SUDS3: variants seen among roughly 807,000 people sequenced by gnomAD.
SUDS3 encodes SIN3A corepressor complex component SDS3, also known as sin3 histone deacetylase corepressor complex component SDS3.
SUDS3 carries 23 observed loss-of-function variants against 53.5 expected under a neutral mutation model. The observed-to-expected ratio is 0.43, with a 90% confidence interval of 0.31 to 0.61. SUDS3 has a LOEUF of 0.61. SUDS3 is among the 20% of genes least tolerant of loss of function. The pLI is 0.10. For missense variants in SUDS3, 291 were observed against 405.9 expected, an observed-to-expected ratio of 0.72 and a Z score of 2.43; for synonymous variants, 150 against 148.5, an observed-to-expected ratio of 1.01 and a Z score of -0.08.
chr12:118,386,211 A>G, intron 4 of SUDS3, 26 bp downstream of exon 4: 2 of 1,553,098 alleles, frequency 1.3e-6, no homozygotes, highest in South Asian at 2.4e-5. Context: ...ATGGCAATGA[A>G]TCATCTTTCA....
Position 118,415,180 on chromosome 12 carries a change from A to C in SUDS3, c.*747A>C, listed in dbSNP as rs894388400. 1 of 152,238 alleles carries C rather than the reference A, an allele frequency of 6.6e-6. No individual in the cohort carries two copies. The highest frequency in any genetic ancestry group is 2.4e-5 in the African/African-American group (1 of 41,460). The allele number at this position is 152,238 out of a possible 1,614,324, so 9.4% of individuals were successfully genotyped here. On this transcript the variant is annotated 3_prime_UTR_variant, in exon 12 of 12. Transcript: ENST00000543473. ...AAACATTTGTTCTAGCTTAAGCTGG[A>C]ATAAGCAGTGGTCATTTCAGAAGTT...
chr12:118,408,797 A>G (rs749933935), intron 10 of SUDS3, among the ~76,000 whole-genome samples: 6 of 152,176 alleles, frequency 3.9e-5, no homozygotes, highest in Non-Finnish European at 7.3e-5. Flanking sequence ...AAGTTGTATC[A>G]GAATGACTTG....
At chr12:118,399,206 A>G (rs543665744) in intron 6 of SUDS3, among the ~76,000 whole-genome samples, 12 of 152,276 alleles carry the variant, frequency 7.9e-5, no homozygotes, top group African/African-American at 2.9e-4. Context: ...CCATTGAAAT[A>G]TTTAGTAAGA....
At position 118,395,335 on chromosome 12, in the gene SUDS3, C is replaced by T. The variant is rs1014980858; in HGVS notation, c.517+4053C>T. Among the ~76,000 whole-genome samples, 24 of 150,896 alleles carry T rather than the reference C, an allele frequency of 1.6e-4. No homozygotes were observed. In the East Asian group the frequency reaches 3.9e-3, roughly 25 times the overall value. On this transcript the variant is annotated intron_variant, in intron 6 of 11. Transcript: ENST00000543473. ...CCGCCTCCCGGGTTCACGCCATTCTCCTGCCTCAACCTCCTGAGTAGCTGG... is the reference window on the plus strand; with the variant it reads ...CCGCCTCCCGGGTTCACGCCATTCTTCTGCCTCAACCTCCTGAGTAGCTGG...
intron 1 of SUDS3, among the ~76,000 whole-genome samples, chr12:118,379,220 T>G (rs2046031070): frequency 6.6e-6 from 1 of 151,388 alleles, no homozygotes; most frequent in South Asian, 2.1e-4. Context: ...GTGGTTCACT[T>G]GAGGCCAGGA....
intron 10 of SUDS3, chr12:118,404,279 T>G (rs1489869800): frequency 2.0e-5 from 3 of 152,090 alleles, no homozygotes; most frequent in African/African-American, 7.2e-5. Context: ...CCCAGCTAGT[T>G]TTTGTATTTT....
At chr12:118,412,905 C>T (rs757088377) in intron 11 of SUDS3, among the ~76,000 whole-genome samples, 2 of 152,100 alleles carry the variant, frequency 1.3e-5, no homozygotes, top group African/African-American at 4.8e-5. Flanking sequence ...ATGGGGAAAC[C>T]GTTCTCATTT....
At chr12:118,388,358 C>A (rs1019176514) in intron 4 of SUDS3, among the ~76,000 whole-genome samples, 6 of 152,126 alleles carry the variant, frequency 3.9e-5, no homozygotes, top group Non-Finnish European at 7.3e-5. Flanking sequence ...ATAGCATTTG[C>A]CAGGTTTGCA....
intron 10 of SUDS3, among the ~76,000 whole-genome samples, chr12:118,407,265 G>A (rs2046316513): frequency 6.6e-6 from 1 of 152,136 alleles, no homozygotes; most frequent in African/African-American, 2.4e-5. Flanking sequence ...AGGGATAATG[G>A]TTCCCCCAAG....
At position 118,401,983 on chromosome 12, in the gene SUDS3, C is replaced by G. The variant is rs758955835; in HGVS notation, c.676C>G (p.Leu226Val). 4 of 1,613,838 alleles carry G rather than the reference C, an allele frequency of 2.5e-6. No individual in the cohort carries two copies. The African/African-American group carries it at 5.3e-5, about 22-fold the overall frequency. The change falls in exon 9 of 12, where the codon CTT (leucine) becomes GTT (valine). Residue 226 changes from leucine to valine, a missense_variant and splice_region_variant. Physicochemically the swap from Leu to Val is conservative, Grantham distance 32 (BLOSUM62 1). Around this residue, in one of 4 missense-constraint regions of SUDS3, gnomAD observed 77 missense variants for 87.1 expected, o/e 0.88. Transcript: ENST00000543473. ...IMEDLRTLNK[L>V]KSPKRPASPS... The stretch of plus-strand genomic sequence containing the variant: ...TTTTTTGTTGTTGTTCTTCCTACAG[C>G]TTAAGTCACCCAAGAGACCAGGTGA...
At chr12:118,410,771 G>A (rs1015790059) in intron 10 of SUDS3, among the ~76,000 whole-genome samples, 1 of 151,696 alleles carries the variant, frequency 6.6e-6, no homozygotes, top group African/African-American at 2.4e-5. Flanking sequence ...TACTTTTTTT[G>A]TATTTTTAGT....
At chr12:118,379,392 G>A (rs896271265) in intron 1 of SUDS3, among the ~76,000 whole-genome samples, 1 of 152,138 alleles carries the variant, frequency 6.6e-6, no homozygotes, top group African/African-American at 2.4e-5. Context: ...AGCCGAGATT[G>A]TGCCACTGCA....
intron 8 of SUDS3, 21 bp from the exon 9 acceptor site, chr12:118,401,950 CTCTAAGATTTTT>C: frequency 6.2e-7 from 1 of 1,613,780 alleles, no homozygotes; most frequent in Non-Finnish European, 8.5e-7. Flanking sequence ...AAATGATTTT[CTCTAAGATTTTT>C]TGTTGTTGTT....
intron 10 of SUDS3, among the ~76,000 whole-genome samples, chr12:118,406,391 TAA>T (rs1366936272): frequency 5.9e-5 from 9 of 152,180 alleles, no homozygotes; most frequent in Non-Finnish European, 8.8e-5. Flanking sequence ...ATTGGGGAAA[TAA>T]AGTGTTAATA....
At position 118,403,586 on chromosome 12, in the gene SUDS3, T is replaced by C; in HGVS notation, c.803+69T>C. ...CCACTTGGAAAGAGGGCTGGGGCTA[T>C]TGTAGTTATTTCAGATCACGGCTGC... On this transcript the variant is annotated intron_variant, in intron 10 of 11. Coordinates refer to ENST00000543473, the MANE Select transcript of SUDS3 (RefSeq NM_022491.3). 3.1e-6 allele frequency: 4 copies of C among 1,273,666 alleles called. No homozygotes were observed. The South Asian group carries it at 5.1e-5, about 16-fold the overall frequency. The allele number at this position is 1,273,666 out of a possible 1,614,324, so 78.9% of individuals were successfully genotyped here.
intron 9 of SUDS3, chr12:118,402,429 C>G (rs766095802): frequency 2.1e-4 from 43 of 200,344 alleles, no homozygotes; most frequent in Non-Finnish European, 4.0e-4. Flanking sequence ...CAAGGCTGCT[C>G]TGACTCGCAG....
intron 10 of SUDS3, among the ~76,000 whole-genome samples, chr12:118,410,555 CTTTATTTATTTATTTATTTATTTAT>C (rs202105566): frequency 0.042 from 6,192 of 148,910 alleles, 316 homozygotes; most frequent in African/African-American, 0.11. Flanking sequence ...GGATGGAAGC[CTTTATTTATTTATTTATTTATTTAT>C]TTTATTTATT....
intron 6 of SUDS3, among the ~76,000 whole-genome samples, chr12:118,396,146 C>T (rs2046213315): frequency 6.6e-6 from 1 of 152,144 alleles, no homozygotes. Context: ...GGGTCCCTGC[C>T]CTGGTTTGGA....
At position 118,414,659 on chromosome 12, in the gene SUDS3, A is replaced by T. The variant is rs1476289260; in HGVS notation, c.*226A>T. ...TCTTCCAGACATCAGTCACCATGAG[A>T]CTGTTTTACTTTCAGGCGTATTGGG... On this transcript the variant is annotated 3_prime_UTR_variant, in exon 12 of 12. Coordinates refer to ENST00000543473, the MANE Select transcript of SUDS3 (RefSeq NM_022491.3). The T allele has an allele frequency of 1.4e-5, 6 of 421,142 alleles. No homozygotes were observed. The highest frequency in any genetic ancestry group is 2.5e-5 in the Non-Finnish European group (6 of 238,936). The allele number at this position is 421,142 out of a possible 1,614,324, so 26.1% of individuals were successfully genotyped here.
Sources: gnomAD v4.1 joint callset for allele counts (sites outside exome capture counted in the v4.1 genomes callset) on GRCh38, gnomAD v4.1.1 for gene constraint, gnomAD v4.1.1 regional missense constraint, MANE v1.5 for transcripts, NCBI Gene and HGNC (gene_info 2026-07-23, HGNC 2026-07-21) for gene names.